Variants in CTNND2 observed in about 807,000 individuals in gnomAD.
The protein encoded by CTNND2 is catenin delta-2.
A neutral mutation model predicts 144.4 loss-of-function variants in CTNND2; 22 were observed. That is an observed-to-expected ratio of 0.15 (90% CI 0.11 to 0.22). The LOEUF (loss-of-function observed/expected upper bound fraction) is 0.22, where lower values mean the gene tolerates loss of function less well. Among genes scored for constraint, CTNND2 ranks in the 10% least tolerant of loss-of-function variants. CTNND2 has a pLI of 1.00. For synonymous variants in CTNND2, 751 were observed against 695.6 expected (o/e 1.08, Z -1.25); for missense variants, 1,353 against 1,618.8 (o/e 0.84, Z 2.82).
intron 2 of CTNND2, among the ~76,000 whole-genome samples, chr5:11,655,413 G>A (rs190544697): frequency 5.3e-5 from 8 of 152,038 alleles, no homozygotes; most frequent in East Asian, 1.9e-4. Flanking sequence ...CATATATTTC[G>A]TCAAGACAGC....
At chr5:10,981,637 G>A in intron 21 of CTNND2, 136 bp downstream of exon 21, 1 of 777,976 alleles carries the variant, frequency 1.3e-6, no homozygotes, top group Non-Finnish European at 2.2e-6. Context: ...ACAGGCGTGA[G>A]GAGAGGGCCT....
chr5:11,511,962 C>T (rs1029981838), intron 3 of CTNND2, among the ~76,000 whole-genome samples: 1 of 152,190 alleles, frequency 6.6e-6, no homozygotes, highest in Non-Finnish European at 1.5e-5. Context: ...CTATTTTGCA[C>T]TCTCATGAAC....
At chr5:11,476,969 C>T (rs932396605) in intron 3 of CTNND2, among the ~76,000 whole-genome samples, 2 of 152,124 alleles carry the variant, frequency 1.3e-5, no homozygotes, top group Non-Finnish European at 2.9e-5. Flanking sequence ...AAAGATCCCA[C>T]TTTAACATAA....
intron 3 of CTNND2, among the ~76,000 whole-genome samples, chr5:11,553,039 G>A (rs1196672443): frequency 6.6e-6 from 1 of 151,992 alleles, no homozygotes; most frequent in African/African-American, 2.4e-5. Context: ...GCATGATTTG[G>A]GCAATCTCTT....
intron 2 of CTNND2, among the ~76,000 whole-genome samples, chr5:11,697,908 G>C (rs930355905): frequency 6.6e-6 from 1 of 152,172 alleles, no homozygotes; most frequent in African/African-American, 2.4e-5. Flanking sequence ...CCCTATGTCT[G>C]GGAGGAGATT....
chr5:11,546,377 C>T (rs1490135545), intron 3 of CTNND2, among the ~76,000 whole-genome samples: 1 of 151,826 alleles, frequency 6.6e-6, no homozygotes, highest in Non-Finnish European at 1.5e-5. Context: ...TGTCTGCTCT[C>T]CCCCATTTCT....
chr5:11,273,533 T>A (rs1469605220), intron 9 of CTNND2, among the ~76,000 whole-genome samples: 1 of 152,230 alleles, frequency 6.6e-6, no homozygotes, highest in South Asian at 2.1e-4. Context: ...TGCCATAAGC[T>A]TGAAGGAAAA....
chr5:11,130,802 A>T (rs1755518878), intron 12 of CTNND2, among the ~76,000 whole-genome samples: 1 of 152,106 alleles, frequency 6.6e-6, no homozygotes. Flanking sequence ...CCCCCGGGTC[A>T]GTGCCCGCCC....
chr5:11,231,278 G>A (rs1580655264), intron 10 of CTNND2, among the ~76,000 whole-genome samples: 1 of 152,126 alleles, frequency 6.6e-6, no homozygotes, highest in Non-Finnish European at 1.5e-5. Context: ...GGCTGTTGTT[G>A]TAAACAGACT....
intron 2 of CTNND2, among the ~76,000 whole-genome samples, chr5:11,637,562 C>T (rs1319117865): frequency 6.6e-6 from 1 of 152,090 alleles, no homozygotes; most frequent in Non-Finnish European, 1.5e-5. Flanking sequence ...TCTTTAGCCT[C>T]AGAACAATGC....
chr5:11,312,124 C>A (rs570786061), intron 9 of CTNND2, among the ~76,000 whole-genome samples: 9 of 138,676 alleles, frequency 6.5e-5, no homozygotes, highest in Non-Finnish European at 1.1e-4. Context: ...CACACAAACT[C>A]CCCATACATC....
rs189724826 is a variant in CTNND2, at chr5:11,868,592, C to T, written c.37+35225G>A. 1.9e-4 allele frequency among the ~76,000 whole-genome samples: 29 copies of T among 152,236 alleles called. No homozygotes were observed. The East Asian group carries it at 5.4e-3, about 28-fold the overall frequency. On this transcript the variant is annotated intron_variant, in intron 1 of 21. Transcript: ENST00000304623. ...CAATATTTGTCCCCTCCAAAATGCA[C>T]GTTGAAACTTAATCCTCAATGTGGC...
intron 16 of CTNND2, among the ~76,000 whole-genome samples, chr5:11,069,025 C>T (rs914740164): frequency 6.6e-5 from 10 of 152,204 alleles, no homozygotes; most frequent in African/African-American, 2.2e-4. Flanking sequence ...TCCGTGTTCC[C>T]ACAGAGCTCA....
At chr5:11,540,784 C>G (rs905427008) in intron 3 of CTNND2, among the ~76,000 whole-genome samples, 3 of 152,082 alleles carry the variant, frequency 2.0e-5, no homozygotes, top group Non-Finnish European at 4.4e-5. Context: ...ATGTTGCAGT[C>G]TTAACATAGT....
At chr5:11,542,085 C>A (rs1774810840) in intron 3 of CTNND2, among the ~76,000 whole-genome samples, 1 of 152,046 alleles carries the variant, frequency 6.6e-6, no homozygotes, top group Admixed American at 6.6e-5. Flanking sequence ...ATGGCTCTGT[C>A]AGCCAAGAAC....
chr5:11,261,511 CAG>C (rs1265781226), intron 9 of CTNND2, among the ~76,000 whole-genome samples: 5 of 152,230 alleles, frequency 3.3e-5, no homozygotes, highest in Admixed American at 3.3e-4. Flanking sequence ...CTCCAAAGGA[CAG>C]AGTCACTTAG....
chr5:11,282,259 G>A (rs1747228009), intron 9 of CTNND2, among the ~76,000 whole-genome samples: 1 of 152,140 alleles, frequency 6.6e-6, no homozygotes, highest in Non-Finnish European at 1.5e-5. Flanking sequence ...ACATTTCTAA[G>A]CTTCCTACCA....
At chr5:11,480,870 T>C (rs1768187374) in intron 3 of CTNND2, among the ~76,000 whole-genome samples, 1 of 152,050 alleles carries the variant, frequency 6.6e-6, no homozygotes, top group African/African-American at 2.4e-5. Context: ...TCTTTCCAAA[T>C]GTTACTATGG....
At chr5:11,031,260 A>C (rs536589793) in intron 16 of CTNND2, among the ~76,000 whole-genome samples, 29 of 152,276 alleles carry the variant, frequency 1.9e-4, no homozygotes, top group African/African-American at 7.0e-4. Flanking sequence ...GTGTCACTGT[A>C]GTGAGAAGCA....
Sources: gnomAD v4.1 joint callset for allele counts (sites outside exome capture counted in the v4.1 genomes callset) on GRCh38, gnomAD v4.1.1 for gene constraint, MANE v1.5 for transcripts, NCBI Gene and HGNC (gene_info 2026-07-23, HGNC 2026-07-21) for gene names.